The following SUGP1 variants were observed in gnomAD, a reference collection of about 807,000 sequenced individuals.
SUGP1 encodes SURP and G-patch domain-containing protein 1.
Under a neutral mutation model 76.5 loss-of-function variants are expected in SUGP1, and 34 were observed. The observed-to-expected ratio is 0.44, with a 90% CI of 0.34 to 0.59. The LOEUF (loss-of-function observed/expected upper bound fraction) is 0.59, where lower values mean the gene tolerates loss of function less well. Ranked by LOEUF, SUGP1 falls within the 20% of genes least tolerant of loss-of-function variation. The probability of loss-of-function intolerance (pLI) is 0.01; values close to 1 mark genes in which losing one functional copy is unlikely to be tolerated. For missense variants in SUGP1, 752 were observed against 851.7 expected, an observed-to-expected ratio of 0.88 and a Z score of 1.46; for synonymous variants, 326 against 326.2, an observed-to-expected ratio of 1.00 and a Z score of 0.01.
At chr19:19,290,663 CA>C (rs889926890) in intron 8 of SUGP1, among the ~76,000 whole-genome samples, 1 of 151,058 alleles carries the variant, frequency 6.6e-6, no homozygotes, top group East Asian at 1.9e-4. Flanking sequence ...AAACAAAAAA[CA>C]AAAAAAACTC....
chr19:19,277,826 C>T lies in SUGP1; in HGVS notation c.1689G>A (p.Glu563=). The change falls in exon 12 of 14, where the codon GAG becomes GAA. Residue 563 remains glutamate, a synonymous_variant. Coordinates refer to ENST00000247001, the MANE Select transcript of SUGP1 (RefSeq NM_172231.4). ...SEYKEFKLTV[E]NIGYQMLMKM... Reference sequence around the variant, plus strand: ...TCATCAGCATCTGGTAGCCGATGTTCTCCACAGTCAGCTTGAACTCCTTGT... The same window carrying T: ...TCATCAGCATCTGGTAGCCGATGTTTTCCACAGTCAGCTTGAACTCCTTGT... 6.2e-7 allele frequency: 1 copy of T among 1,614,118 alleles called. No individual in the cohort carries two copies. Among genetic ancestry groups the T allele is most frequent in the Non-Finnish European group, 8.5e-7 (1 of 1,180,004 alleles).
At chr19:19,300,177 G>C (rs896349850) in intron 7 of SUGP1, among the ~76,000 whole-genome samples, 1 of 152,168 alleles carries the variant, frequency 6.6e-6, no homozygotes, top group Non-Finnish European at 1.5e-5. Context: ...CTGGGTTCAA[G>C]TGATTTTCCT....
intron 8 of SUGP1, among the ~76,000 whole-genome samples, chr19:19,290,440 G>T (rs1462492444): frequency 1.4e-4 from 21 of 152,190 alleles, no homozygotes; most frequent in Admixed American, 1.4e-3. Context: ...GGCCAGGAGT[G>T]CGAGACCAGC....
At chr19:19,303,909 C>G (rs1391236897) in intron 4 of SUGP1, 62 bp from the exon 5 acceptor site, 3 of 1,609,698 alleles carry the variant, frequency 1.9e-6, no homozygotes, top group African/African-American at 1.3e-5. Flanking sequence ...TAGGCACACT[C>G]TCTCTATGGA....
At chr19:19,307,436 T>C (rs765375485) in intron 3 of SUGP1, among the ~76,000 whole-genome samples, 1 of 152,062 alleles carries the variant, frequency 6.6e-6, no homozygotes, top group Non-Finnish European at 1.5e-5. Context: ...CAATGAGATT[T>C]AGTTGGACCA....
In SUGP1 at chr19:19,295,379, C is replaced by A. The variant is rs547212224; in HGVS notation, c.1243+1610G>T. Among the ~76,000 whole-genome samples the A allele has an allele frequency of 4.2e-4, 64 of 151,782 alleles. 1 individual carries two copies. The highest frequency in any genetic ancestry group is 1.4e-3 in the African/African-American group (59 of 41,426). ...CAGCACTTTGGGAGGCTAAGGCAGG[C>A]GGATCATGAGGTCAGGAGATCGAGA... On this transcript the variant is annotated intron_variant, in intron 8 of 13. Coordinates refer to ENST00000247001, the MANE Select transcript of SUGP1 (RefSeq NM_172231.4).
intron 9 of SUGP1, 37 bp downstream of exon 9, chr19:19,280,148 C>T (rs776092563): frequency 2.8e-5 from 44 of 1,593,650 alleles, no homozygotes; most frequent in Non-Finnish European, 3.5e-5. Flanking sequence ...CTATGGGCGC[C>T]GACCATGTCC....
chr19:19,287,946 C>A (rs1277009407), intron 8 of SUGP1, among the ~76,000 whole-genome samples: 1 of 152,168 alleles, frequency 6.6e-6, no homozygotes, highest in Non-Finnish European at 1.5e-5. Context: ...CAAGACCAAC[C>A]CCTACTCTTC....
At chr19:19,300,149 C>T (rs1445345748) in intron 7 of SUGP1, among the ~76,000 whole-genome samples, 4 of 152,078 alleles carry the variant, frequency 2.6e-5, no homozygotes, top group Non-Finnish European at 5.9e-5. Context: ...CATCTCGGCT[C>T]ACTGCAACCT....
chr19:19,306,398 G>A (rs964896683), intron 3 of SUGP1, among the ~76,000 whole-genome samples: 7 of 152,214 alleles, frequency 4.6e-5, no homozygotes, highest in Non-Finnish European at 7.3e-5. Context: ...GGTAAGACCC[G>A]AGTCCCCGAA....
intron 1 of SUGP1, among the ~76,000 whole-genome samples, chr19:19,317,132 G>A (rs1266269803): frequency 6.9e-6 from 1 of 145,620 alleles, no homozygotes; most frequent in Non-Finnish European, 1.5e-5. Flanking sequence ...GCAAGACTCT[G>A]TCTCAAAAAA....
rs763242431 is a variant in SUGP1 at position 19,303,324 on chromosome 19, C to T, written c.763+24G>A. 5.6e-6 allele frequency: 9 copies of T among 1,604,474 alleles called. No individual in the cohort carries two copies. In the East Asian group the frequency reaches 1.8e-4, roughly 32 times the overall value. On this transcript the variant is annotated intron_variant, in intron 6 of 13. Coordinates refer to ENST00000247001, the MANE Select transcript of SUGP1 (RefSeq NM_172231.4). ...GTATGTCCACAGGCCTCCCCAGAATCTCCCACCCGCTCCGTCCACCTACCT... is the reference window on the plus strand; with the variant it reads ...GTATGTCCACAGGCCTCCCCAGAATTTCCCACCCGCTCCGTCCACCTACCT...
Position 19,285,950 on chromosome 19 carries a change from G to A in SUGP1, c.1244-5659C>T, listed in dbSNP as rs561920773. On this transcript the variant is annotated intron_variant, in intron 8 of 13. Transcript: ENST00000247001. ...GATCGGGGCTGCCCTTATCTATGAA[G>A]CTGCTAACCCCTGAGTCTTAAAGGG... Among the ~76,000 whole-genome samples, 26 of 152,230 alleles carry A rather than the reference G, an allele frequency of 1.7e-4. No homozygotes were observed. The South Asian group carries it at 5.4e-3, about 32-fold the overall frequency.
At chr19:19,294,716 T>C (rs1282600164) in intron 8 of SUGP1, among the ~76,000 whole-genome samples, 1 of 151,858 alleles carries the variant, frequency 6.6e-6, no homozygotes, top group Non-Finnish European at 1.5e-5. Context: ...GAGGGCTGGA[T>C]TACAGCAGGC....
At chr19:19,302,015 G>A (rs1378755087) in intron 7 of SUGP1, 4 of 520,370 alleles carry the variant, frequency 7.7e-6, no homozygotes, top group Non-Finnish European at 3.4e-6. Flanking sequence ...TCTCCATGAG[G>A]CACCTGAAAG....
chr19:19,318,113 C>CTTTTTTTT (rs1192437542), intron 1 of SUGP1, among the ~76,000 whole-genome samples: 22 of 97,678 alleles, frequency 2.3e-4, no homozygotes, highest in African/African-American at 4.4e-4. Context: ...ACCCAGCCTT[C>CTTTTTTTT]TTTTTTTTTT....
At chr19:19,284,744 G>A (rs1268550306) in intron 8 of SUGP1, among the ~76,000 whole-genome samples, 2 of 152,304 alleles carry the variant, frequency 1.3e-5, no homozygotes, top group East Asian at 3.9e-4. Context: ...TTAGAAAGAG[G>A]TTTGGCTTTA....
intron 7 of SUGP1, among the ~76,000 whole-genome samples, chr19:19,298,862 T>C (rs1205060001): frequency 6.6e-6 from 1 of 152,096 alleles, no homozygotes; most frequent in Non-Finnish European, 1.5e-5. Flanking sequence ...TGGTCTCAGC[T>C]GGTGCTTCAC....
intron 8 of SUGP1, 192 bp from the exon 9 acceptor site, chr19:19,280,483 G>A (rs1172573299): frequency 8.6e-6 from 5 of 583,452 alleles, no homozygotes; most frequent in Admixed American, 2.9e-5. Flanking sequence ...GTGCACCCCC[G>A]CATCTTACGT....
Sources: allele counts gnomAD v4.1 joint callset (sites outside exome capture counted in the v4.1 genomes callset), GRCh38; gene constraint gnomAD v4.1.1; transcripts MANE v1.5; gene names NCBI Gene and HGNC (gene_info 2026-07-23, HGNC 2026-07-21).